Variants in CLVS1 observed in about 807,000 individuals in gnomAD.
The protein encoded by CLVS1 is clavesin 1.
A neutral mutation model predicts 33.1 loss-of-function variants in CLVS1; 10 were observed. That is an observed-to-expected ratio of 0.30 (90% CI 0.19 to 0.51). The LOEUF is 0.51. Ranked by LOEUF, CLVS1 falls within the 20% of genes least tolerant of loss-of-function variation. CLVS1 has a pLI of 0.97. For synonymous variants in CLVS1, 163 were observed against 166.1 expected (o/e 0.98, Z 0.14); for missense variants, 343 against 433.4 (o/e 0.79, Z 1.85).
intron 3 of CLVS1, among the ~76,000 whole-genome samples, chr8:61,416,338 A>G (rs1300042731): frequency 6.6e-6 from 1 of 152,034 alleles, no homozygotes. Context: ...ACATACATAC[A>G]TACATACATA....
chr8:61,172,103 T>C (rs772596213), intron 2 of CLVS1, among the ~76,000 whole-genome samples: 1 of 152,228 alleles, frequency 6.6e-6, no homozygotes, highest in Non-Finnish European at 1.5e-5. Context: ...TGTCTTGAAA[T>C]AGGATTATTA....
intron 2 of CLVS1, among the ~76,000 whole-genome samples, chr8:61,325,741 C>T (rs1330734720): frequency 1.3e-5 from 2 of 152,132 alleles, no homozygotes; most frequent in Non-Finnish European, 2.9e-5. Context: ...TTAGGACCAT[C>T]TCATACATCG....
At chr8:61,022,494 AAAG>A in the CLVS1 span, among the ~76,000 whole-genome samples, 1 of 152,246 alleles carries the variant, frequency 6.6e-6, no homozygotes, top group Non-Finnish European at 1.5e-5. Flanking sequence ...GCTTAGTGGC[AAAG>A]AAGACAGTTG....
At chr8:61,081,270 C>T (rs1334671563) in intron 1 of CLVS1, among the ~76,000 whole-genome samples, 3 of 152,056 alleles carry the variant, frequency 2.0e-5, no homozygotes, top group Non-Finnish European at 4.4e-5. Flanking sequence ...GGAATGAGGG[C>T]CTGGGCTGGG....
At chr8:61,466,018 C>A (rs986158103) in intron 5 of CLVS1, among the ~76,000 whole-genome samples, 1 of 152,164 alleles carries the variant, frequency 6.6e-6, no homozygotes, top group African/African-American at 2.4e-5. Context: ...CCCACATCAT[C>A]AGCTGTTTTC....
chr8:61,239,620 C>A (rs1808650181), intron 2 of CLVS1, among the ~76,000 whole-genome samples: 1 of 151,984 alleles, frequency 6.6e-6, no homozygotes, highest in African/African-American at 2.4e-5. Flanking sequence ...CCTGGAGTCC[C>A]AGCTACTTGG....
In CLVS1 at chr8:61,074,375, TAAG is replaced by T. The variant is rs1241747634; in HGVS notation, c.-243+17146_-243+17148del. ...GTGTGTGTGTGTATATATATATATA[TAAG>T]TATATGTGTATATATATATGTTATA... is the stretch of plus-strand genomic sequence containing the variant. On this transcript the variant is annotated intron_variant, in intron 1 of 2. Transcript: ENST00000522621. Among the ~76,000 whole-genome samples the T allele has an allele frequency of 1.8e-4, 9 of 49,814 alleles. No individual in the cohort carries two copies. In the African/African-American group the frequency reaches 3.9e-3, roughly 22 times the overall value. The allele number at this position is 49,814 out of a possible 152,430, so 32.7% of individuals were successfully genotyped here. A position where few individuals can be genotyped will look rare whatever the true frequency, so the allele number is the denominator to read the frequency against.
intron 2 of CLVS1, among the ~76,000 whole-genome samples, chr8:61,338,978 G>A (rs1344149555): frequency 2.1e-5 from 3 of 144,932 alleles, no homozygotes; most frequent in Non-Finnish European, 3.0e-5. Context: ...GTGTGTGTGT[G>A]TGTGTGTGTG....
intron 2 of CLVS1, among the ~76,000 whole-genome samples, chr8:61,217,384 A>G (rs1330449033): frequency 6.6e-6 from 1 of 152,204 alleles, no homozygotes; most frequent in Admixed American, 6.6e-5. Context: ...GAGGGAAAGT[A>G]GCTTGCAACA....
chr8:61,310,218 G>A (rs2129595424), intron 2 of CLVS1, among the ~76,000 whole-genome samples: 1 of 152,278 alleles, frequency 6.6e-6, no homozygotes, highest in East Asian at 1.9e-4. Context: ...TTGAGAATGA[G>A]TAAACATAAA....
chr8:61,438,290 G>A (rs1585974786), intron 3 of CLVS1, among the ~76,000 whole-genome samples: 1 of 152,172 alleles, frequency 6.6e-6, no homozygotes, highest in Non-Finnish European at 1.5e-5. Flanking sequence ...TTGGTTTCCT[G>A]TTCCTGGGTT....
At chr8:61,479,760 T>C (rs972658214) in intron 5 of CLVS1, among the ~76,000 whole-genome samples, 2 of 152,236 alleles carry the variant, frequency 1.3e-5, no homozygotes, top group African/African-American at 2.4e-5. Flanking sequence ...GATAGGTTTT[T>C]GGTGTGGATG....
chr8:61,190,816 T>G (rs1807455879), intron 2 of CLVS1, among the ~76,000 whole-genome samples: 1 of 152,108 alleles, frequency 6.6e-6, no homozygotes, highest in African/African-American at 2.4e-5. Context: ...CTCCCAAGAC[T>G]AAACAAGGAA....
the CLVS1 span, among the ~76,000 whole-genome samples, chr8:60,998,008 G>A: frequency 6.6e-6 from 1 of 152,038 alleles, no homozygotes; most frequent in Non-Finnish European, 1.5e-5. Context: ...GGAACAGGTT[G>A]GAAGGAAGGC....
intron 3 of CLVS1, among the ~76,000 whole-genome samples, chr8:61,401,324 A>T (rs1814742008): frequency 6.6e-6 from 1 of 152,214 alleles, no homozygotes; most frequent in African/African-American, 2.4e-5. Flanking sequence ...AGGTAGTGAG[A>T]ATAGACATTC....
upstream of CLVS1, among the ~76,000 whole-genome samples, chr8:61,283,819 G>A (rs995576125): frequency 1.3e-5 from 2 of 152,198 alleles, no homozygotes; most frequent in African/African-American, 4.8e-5. Flanking sequence ...AATAAATTGT[G>A]TAGTGTTGAC....
chr8:61,413,416 G>A (rs2129604173), intron 3 of CLVS1, among the ~76,000 whole-genome samples: 1 of 152,268 alleles, frequency 6.6e-6, no homozygotes. Context: ...AATGAGACAT[G>A]GGGTTTTATT....
chr8:61,042,392 C>T, the CLVS1 span, among the ~76,000 whole-genome samples: 1 of 152,102 alleles, frequency 6.6e-6, no homozygotes, highest in Admixed American at 6.5e-5. Flanking sequence ...AGGAGAAGAC[C>T]TTCTTAGTCC....
chr8:61,118,221 C>T (rs2129289318), intron 1 of CLVS1, among the ~76,000 whole-genome samples: 1 of 151,934 alleles, frequency 6.6e-6, no homozygotes, highest in South Asian at 2.1e-4. Context: ...TGGTGATATC[C>T]CCTTTATCAT....
Sources: allele counts gnomAD v4.1 joint callset (sites outside exome capture counted in the v4.1 genomes callset), GRCh38; gene constraint gnomAD v4.1.1; transcripts MANE v1.5; gene names NCBI Gene and HGNC (gene_info 2026-07-23, HGNC 2026-07-21).